TMC1: variants seen among roughly 807,000 people sequenced by gnomAD.
TMC1 encodes transmembrane channel like 1, also known as transmembrane channel-like protein 1.
Under a neutral mutation model 105.8 loss-of-function variants are expected in TMC1, and 84 were observed. The observed-to-expected ratio is 0.79, with a 90% confidence interval of 0.67 to 0.95. The LOEUF (loss-of-function observed/expected upper bound fraction) is 0.95. TMC1 is among the 40% of genes least tolerant of loss of function. The pLI, the probability that TMC1 is intolerant of heterozygous loss-of-function variation, is 0.00. For synonymous variants in TMC1, 315 were observed against 311.5 expected, an observed-to-expected ratio of 1.01 and a Z score of -0.12; for missense variants, 817 against 914.1, an observed-to-expected ratio of 0.89 and a Z score of 1.37.
At position 72,818,964 on chromosome 9, in the gene TMC1, C is replaced by T. The variant is rs187722803; in HGVS notation, c.1764-1878C>T. Among the ~76,000 whole-genome samples the T allele has an allele frequency of 5.9e-5, 9 of 152,132 alleles. No homozygotes were observed. In the East Asian group the frequency reaches 7.7e-4, roughly 13 times the overall value. On this transcript the variant is annotated intron_variant, in intron 19 of 23. Coordinates refer to ENST00000297784, the MANE Select transcript of TMC1 (RefSeq NM_138691.3). ...AGCATATACATACAAACAATGTGCA[C>T]GTATATAGGTACAAATATATGTGGT...
chr9:72,737,530 T>G (rs193238906), intron 8 of TMC1, among the ~76,000 whole-genome samples: 7 of 152,284 alleles, frequency 4.6e-5, no homozygotes, highest in Admixed American at 4.6e-4. Flanking sequence ...TCAGGTTTGC[T>G]TTCCTCTGAA....
intron 1 of TMC1, among the ~76,000 whole-genome samples, chr9:72,541,970 AC>A (rs1211154921): frequency 6.6e-6 from 1 of 152,082 alleles, no homozygotes; most frequent in Non-Finnish European, 1.5e-5. Flanking sequence ...AAACAAAAAA[AC>A]ACAAAAAACC....
At chr9:72,574,184 A>G (rs1341537342) in intron 1 of TMC1, among the ~76,000 whole-genome samples, 3 of 152,198 alleles carry the variant, frequency 2.0e-5, no homozygotes, top group African/African-American at 4.8e-5. Context: ...CATGCTCCAT[A>G]TGGATATTCT....
chr9:72,545,161 CAT>C (rs1325309555), intron 1 of TMC1, among the ~76,000 whole-genome samples: 18 of 140,894 alleles, frequency 1.3e-4, no homozygotes, highest in South Asian at 2.3e-4. Flanking sequence ...CACACACACA[CAT>C]ATATACACAC....
At chr9:72,565,676 G>A (rs1587961245) in intron 1 of TMC1, among the ~76,000 whole-genome samples, 1 of 152,086 alleles carries the variant, frequency 6.6e-6, no homozygotes, top group South Asian at 2.1e-4. Context: ...GAGGTTTAAC[G>A]GACTCACCGT....
chr9:72,795,121 T>A (rs2118204966), intron 17 of TMC1, among the ~76,000 whole-genome samples: 2 of 152,248 alleles, frequency 1.3e-5, no homozygotes, highest in Non-Finnish European at 2.9e-5. Flanking sequence ...CCAAGAAGTA[T>A]GGGATTATGT....
At chr9:72,650,907 T>TATATATAG (rs1825802070) in intron 5 of TMC1, among the ~76,000 whole-genome samples, 1 of 143,288 alleles carries the variant, frequency 7.0e-6, no homozygotes, top group African/African-American at 2.5e-5. Context: ...TATATAAATA[T>TATATATAG]ATATAGATAT....
At chr9:72,545,905 T>C (rs935222305) in intron 1 of TMC1, among the ~76,000 whole-genome samples, 2 of 151,912 alleles carry the variant, frequency 1.3e-5, no homozygotes, top group South Asian at 4.2e-4. Flanking sequence ...TCAATTATAG[T>C]GGCTTTCAAA....
At chr9:72,554,615 T>A (rs1224287878) in intron 1 of TMC1, among the ~76,000 whole-genome samples, 1 of 152,166 alleles carries the variant, frequency 6.6e-6, no homozygotes, top group Non-Finnish European at 1.5e-5. Flanking sequence ...CATGACAGAA[T>A]AGTTTCAGCA....
intron 1 of TMC1, among the ~76,000 whole-genome samples, chr9:72,526,378 C>T (rs1035504985): frequency 9.2e-5 from 14 of 152,146 alleles, no homozygotes; most frequent in African/African-American, 3.4e-4. Context: ...CAGTAAAAAA[C>T]CCTCAATGGA....
At chr9:72,724,358 T>G (rs1329713682) in intron 8 of TMC1, among the ~76,000 whole-genome samples, 2 of 152,198 alleles carry the variant, frequency 1.3e-5, no homozygotes, top group African/African-American at 2.4e-5. Flanking sequence ...TATCTTTTTA[T>G]CAGGAGCCTA....
At chr9:72,827,712 G>A (rs1828977916) in intron 21 of TMC1, among the ~76,000 whole-genome samples, 1 of 152,204 alleles carries the variant, frequency 6.6e-6, no homozygotes, top group Admixed American at 6.5e-5. Context: ...GCCAAAAGCA[G>A]CGTCCATCTC....
chr9:72,537,005 A>G (rs375221505), intron 1 of TMC1, among the ~76,000 whole-genome samples: 2 of 152,196 alleles, frequency 1.3e-5, no homozygotes, highest in Non-Finnish European at 2.9e-5. Flanking sequence ...CAAGCCTCCA[A>G]CATTCTTGCA....
chr9:72,541,464 G>A (rs1231373673), intron 1 of TMC1, among the ~76,000 whole-genome samples: 2 of 152,098 alleles, frequency 1.3e-5, no homozygotes, highest in Non-Finnish European at 2.9e-5. Context: ...GAGGCGGGCC[G>A]ATCACCTGAG....
intron 1 of TMC1, among the ~76,000 whole-genome samples, chr9:72,531,404 T>C (rs1367649788): frequency 6.6e-6 from 1 of 152,238 alleles, no homozygotes; most frequent in Non-Finnish European, 1.5e-5. Context: ...ACTGGTGTTT[T>C]GTTCACCAAA....
At chr9:72,689,062 G>C (rs564300239) in intron 6 of TMC1, among the ~76,000 whole-genome samples, 1 of 152,200 alleles carries the variant, frequency 6.6e-6, no homozygotes, top group Admixed American at 6.6e-5. Flanking sequence ...AAAGCCTTAG[G>C]ATGAAGACCC....
intron 17 of TMC1, among the ~76,000 whole-genome samples, chr9:72,793,005 G>A (rs754122498): frequency 9.2e-5 from 14 of 152,024 alleles, no homozygotes; most frequent in Non-Finnish European, 1.6e-4. Flanking sequence ...CACGACCTTG[G>A]GAACCCATAC....
intron 3 of TMC1, among the ~76,000 whole-genome samples, chr9:72,625,897 A>C (rs773188343): frequency 6.6e-6 from 1 of 152,106 alleles, no homozygotes; most frequent in Non-Finnish European, 1.5e-5. Flanking sequence ...GTGTTCTATA[A>C]GATTGTATAT....
chr9:72,570,409 A>G (rs985911495), intron 1 of TMC1, among the ~76,000 whole-genome samples: 16 of 151,894 alleles, frequency 1.1e-4, no homozygotes, highest in African/African-American at 3.4e-4. Context: ...GAAAGTCCAG[A>G]AAAAAAAACT....
Sources: gnomAD v4.1 joint callset for allele counts (sites outside exome capture counted in the v4.1 genomes callset) on GRCh38, gnomAD v4.1.1 for gene constraint, MANE v1.5 for transcripts, NCBI Gene and HGNC (gene_info 2026-07-23, HGNC 2026-07-21) for gene names.